Variants in SH3RF1 observed in about 807,000 individuals in gnomAD.
The protein encoded by SH3RF1 is E3 ubiquitin-protein ligase SH3RF1.
Under a neutral mutation model 74.0 loss-of-function variants are expected in SH3RF1, and 32 were observed. That is an observed-to-expected ratio of 0.43 (90% confidence interval 0.33 to 0.58). SH3RF1 has a LOEUF of 0.58. Among genes scored for constraint, SH3RF1 ranks in the 20% least tolerant of loss-of-function variants. SH3RF1 has a pLI of 0.05. For missense variants in SH3RF1, 954 were observed against 1,130.9 expected (o/e 0.84, Z 2.24); for synonymous variants, 396 against 439.6 (o/e 0.90, Z 1.24).
rs533590547 is a variant in SH3RF1, at chr4:169,233,844, A to T, written c.393+34976T>A. On this transcript the variant is annotated intron_variant, in intron 2 of 11. Coordinates refer to ENST00000284637, the MANE Select transcript of SH3RF1 (RefSeq NM_020870.4). Reference sequence around the variant, plus strand: ...AGACGTAATTGAAAATCTAGCTTTCAGGTAAGTCTGAGGGTCTTCCTTCCC... The same window carrying T: ...AGACGTAATTGAAAATCTAGCTTTCTGGTAAGTCTGAGGGTCTTCCTTCCC... Among the ~76,000 whole-genome samples the T allele has an allele frequency of 2.6e-5, 4 of 152,300 alleles. No individual in the cohort carries two copies. The South Asian group carries it at 8.3e-4, about 32-fold the overall frequency.
At chr4:169,165,633 A>T (rs2126969987) in intron 2 of SH3RF1, among the ~76,000 whole-genome samples, 1 of 140,344 alleles carries the variant, frequency 7.1e-6, no homozygotes, top group East Asian at 2.2e-4. Context: ...CAGAGAAAAA[A>T]AGGCGGGGGG....
chr4:169,173,803 T>G (rs1203937214), intron 2 of SH3RF1, among the ~76,000 whole-genome samples: 1 of 152,098 alleles, frequency 6.6e-6, no homozygotes, highest in East Asian at 1.9e-4. Context: ...AAGTTGGCCA[T>G]GTCTTAGAAC....
chr4:169,183,370 T>C (rs112976893), intron 2 of SH3RF1, among the ~76,000 whole-genome samples: 1 of 152,056 alleles, frequency 6.6e-6, no homozygotes. Flanking sequence ...AACCTCCGCC[T>C]CCCGGGTTCA....
At chr4:169,215,669 T>C (rs1347414421) in intron 2 of SH3RF1, among the ~76,000 whole-genome samples, 1 of 152,352 alleles carries the variant, frequency 6.6e-6, no homozygotes, top group South Asian at 2.1e-4. Flanking sequence ...TTGTTTATTA[T>C]TGAAGTTTCA....
chr4:169,143,752 A>T (rs1733824894), intron 4 of SH3RF1, among the ~76,000 whole-genome samples: 1 of 152,224 alleles, frequency 6.6e-6, no homozygotes, highest in African/African-American at 2.4e-5. Flanking sequence ...ACCTGGCTGC[A>T]CTAGGTTAGG....
At chr4:169,268,179 A>T (rs746764171) in intron 2 of SH3RF1, among the ~76,000 whole-genome samples, 6 of 152,194 alleles carry the variant, frequency 3.9e-5, no homozygotes, top group Non-Finnish European at 8.8e-5. Flanking sequence ...CCCAAGAAAA[A>T]TCATTTCGAT....
At chr4:169,131,085 G>A (rs534724540) in intron 5 of SH3RF1, among the ~76,000 whole-genome samples, 1 of 152,342 alleles carries the variant, frequency 6.6e-6, no homozygotes, top group East Asian at 1.9e-4. Context: ...CACATTGAAA[G>A]AAAGATTGTC....
intron 10 of SH3RF1, among the ~76,000 whole-genome samples, chr4:169,109,247 C>T (rs1733200728): frequency 6.6e-6 from 1 of 152,248 alleles, no homozygotes; most frequent in African/African-American, 2.4e-5. Flanking sequence ...AAATTACAAT[C>T]TCAGCAAGCC....
chr4:169,181,169 C>A (rs1734504017), intron 2 of SH3RF1, among the ~76,000 whole-genome samples: 1 of 152,026 alleles, frequency 6.6e-6, no homozygotes. Context: ...TTTTTCTCCT[C>A]CCTTATTTGG....
At chr4:169,147,237 C>A (rs1733907281) in intron 4 of SH3RF1, among the ~76,000 whole-genome samples, 1 of 152,148 alleles carries the variant, frequency 6.6e-6, no homozygotes, top group South Asian at 2.1e-4. Context: ...AAGTATCATT[C>A]CAATGACAAA....
intron 2 of SH3RF1, among the ~76,000 whole-genome samples, chr4:169,189,143 C>T (rs888348494): frequency 5.9e-5 from 9 of 152,222 alleles, no homozygotes; most frequent in Admixed American, 3.3e-4. Flanking sequence ...TAAAATGAAG[C>T]ACATTGTGGT....
At chr4:169,148,295 G>A (rs755910339) in intron 4 of SH3RF1, among the ~76,000 whole-genome samples, 1 of 152,188 alleles carries the variant, frequency 6.6e-6, no homozygotes, top group Admixed American at 6.5e-5. Context: ...TCGATTCCTG[G>A]CTCTGTGTCC....
At chr4:169,102,915 CTTTTTTTTTT>C (rs66574732) in intron 11 of SH3RF1, among the ~76,000 whole-genome samples, 5 of 66,884 alleles carry the variant, frequency 7.5e-5, no homozygotes, top group African/African-American at 2.6e-4. Flanking sequence ...CAGTCACATT[CTTTTTTTTTT>C]TTTTTTTTTT....
intron 2 of SH3RF1, among the ~76,000 whole-genome samples, chr4:169,189,521 C>G (rs755162958): frequency 2.0e-5 from 3 of 152,186 alleles, no homozygotes; most frequent in Non-Finnish European, 4.4e-5. Flanking sequence ...CTGTTGCTTT[C>G]CTCTCCCCAG....
intron 2 of SH3RF1, among the ~76,000 whole-genome samples, chr4:169,167,954 T>C (rs912721666): frequency 6.1e-4 from 93 of 152,016 alleles, no homozygotes; most frequent in Non-Finnish European, 1.3e-4. Context: ...CTAGACAAAA[T>C]AGTGAGTCCC....
intron 2 of SH3RF1, among the ~76,000 whole-genome samples, chr4:169,221,211 G>A (rs1240027900): frequency 6.6e-6 from 1 of 152,114 alleles, no homozygotes; most frequent in African/African-American, 2.4e-5. Context: ...GTCAAGTAGT[G>A]ATTTTATTCT....
At chr4:169,181,058 A>G (rs1579123433) in intron 2 of SH3RF1, among the ~76,000 whole-genome samples, 1 of 152,074 alleles carries the variant, frequency 6.6e-6, no homozygotes, top group Non-Finnish European at 1.5e-5. Context: ...ATGTAGCCTA[A>G]CCCAGACACA....
At chr4:169,198,246 C>G (rs1235477377) in intron 2 of SH3RF1, among the ~76,000 whole-genome samples, 1 of 152,170 alleles carries the variant, frequency 6.6e-6, no homozygotes, top group African/African-American at 2.4e-5. Flanking sequence ...ACACTTTAAA[C>G]CACAAATGAA....
In SH3RF1 at chr4:169,117,224, A is replaced by G. The variant is rs984656131; in HGVS notation, c.1777+299T>C. 2.0e-5 allele frequency among the ~76,000 whole-genome samples: 3 copies of G among 152,156 alleles called. No homozygotes were observed. In the East Asian group the frequency reaches 5.8e-4, roughly 29 times the overall value. The stretch of plus-strand genomic sequence containing the variant: ...TATCACGCAATGTCACATGGATGGT[A>G]GTAGTGAGATTTGAGATCATATGAT... On this transcript the variant is annotated intron_variant, in intron 9 of 11. Transcript: ENST00000284637.
Sources: gnomAD v4.1 joint callset for allele counts (sites outside exome capture counted in the v4.1 genomes callset) on GRCh38, gnomAD v4.1.1 for gene constraint, MANE v1.5 for transcripts, NCBI Gene and HGNC (gene_info 2026-07-23, HGNC 2026-07-21) for gene names.